The following PFKFB1 variants were observed in gnomAD, a reference collection of about 807,000 sequenced individuals.
PFKFB1 encodes 6-phosphofructo-2-kinase/fructose-2,6-biphosphatase 1.
In PFKFB1, 34 loss-of-function variants were observed where a neutral mutation model predicts 46.4. That is an observed-to-expected ratio of 0.73 (90% CI 0.56 to 0.98). PFKFB1 has a LOEUF of 0.98. Among genes scored for constraint, PFKFB1 ranks in the 50% least tolerant of loss-of-function variants. PFKFB1 has a pLI of 0.00. For synonymous variants in PFKFB1, 119 were observed against 133.8 expected (o/e 0.89, Z 0.76); for missense variants, 393 against 376.3 (o/e 1.04, Z -0.37).
chrX:54,943,567 C>T (rs767075857), intron 10 of PFKFB1, among the ~76,000 whole-genome samples: 152 of 110,636 alleles, frequency 1.4e-3, no homozygotes, highest in African/African-American at 4.6e-3. Flanking sequence ...CTGGCTAACA[C>T]GGTGATACCC....
At chrX:54,964,512 T>C (rs1354247245) in intron 1 of PFKFB1, among the ~76,000 whole-genome samples, 1 of 111,890 alleles carries the variant, frequency 8.9e-6, no homozygotes, top group African/African-American at 3.2e-5. Flanking sequence ...GACAAGGAAT[T>C]TGTTTATTTA....
intron 1 of PFKFB1, among the ~76,000 whole-genome samples, chrX:54,971,177 TG>T (rs1934641265): frequency 2.0e-5 from 1 of 50,893 alleles, no homozygotes; most frequent in African/African-American, 8.0e-5. Context: ...CACTTTTTGA[TG>T]GGGTTGTTTG....
At chrX:54,964,523 T>C (rs1934417975) in intron 1 of PFKFB1, among the ~76,000 whole-genome samples, 1 of 112,057 alleles carries the variant, frequency 8.9e-6, no homozygotes, top group South Asian at 3.7e-4. Context: ...TGTTTATTTA[T>C]TTGGATTATT....
chrX:54,977,509 G>C (rs1327200025), intron 1 of PFKFB1, among the ~76,000 whole-genome samples: 1 of 111,524 alleles, frequency 9.0e-6, no homozygotes, highest in Non-Finnish European at 1.9e-5. Context: ...GTAAACAAGG[G>C]AGAAGGTCTA....
At chrX:54,953,280 G>C (rs991805426) in intron 7 of PFKFB1, among the ~76,000 whole-genome samples, 3 of 111,752 alleles carry the variant, frequency 2.7e-5, no homozygotes, top group African/African-American at 9.8e-5. Context: ...CTCCAGGCAG[G>C]TAAGGTTGCT....
intron 9 of PFKFB1, among the ~76,000 whole-genome samples, chrX:54,948,378 C>T (rs1372887631): frequency 8.9e-6 from 1 of 112,569 alleles, no homozygotes; most frequent in Non-Finnish European, 1.9e-5. Context: ...CAAGTTTCCA[C>T]ACATGCCCAG....
chrX:54,981,277 G>C (rs1934982286), intron 1 of PFKFB1, among the ~76,000 whole-genome samples: 1 of 110,622 alleles, frequency 9.0e-6, no homozygotes, highest in South Asian at 3.7e-4. Context: ...GCAACATTTA[G>C]AAAAATCATA....
At chrX:54,988,937 G>A (rs1013781488) in intron 1 of PFKFB1, among the ~76,000 whole-genome samples, 29 of 112,036 alleles carry the variant, frequency 2.6e-4, no homozygotes, top group African/African-American at 9.4e-4. Context: ...GCTACAACAT[G>A]GATTAACCTT....
At chrX:54,973,684 A>T (rs1024789930) in intron 1 of PFKFB1, among the ~76,000 whole-genome samples, 1 of 110,871 alleles carries the variant, frequency 9.0e-6, no homozygotes, top group Non-Finnish European at 1.9e-5. Context: ...TTCTAGTTTG[A>T]TTGCACTGTG....
intron 1 of PFKFB1, 98 bp from the exon 2 acceptor site, chrX:54,963,480 C>T (rs1325644548): frequency 2.3e-6 from 2 of 885,729 alleles, no homozygotes; most frequent in Non-Finnish European, 3.1e-6. Context: ...ATGTCTCCCA[C>T]CATTACAGTA....
At chrX:54,958,479 T>C in intron 5 of PFKFB1, 117 bp from the exon 6 acceptor site, 1 of 484,418 alleles carries the variant, frequency 2.1e-6, no homozygotes, top group South Asian at 3.5e-5. Flanking sequence ...TCTGACAACA[T>C]AATGCTCTCA....
At chrX:54,966,409 T>A (rs955787606) in intron 1 of PFKFB1, among the ~76,000 whole-genome samples, 1 of 112,349 alleles carries the variant, frequency 8.9e-6, no homozygotes, top group Non-Finnish European at 1.9e-5. Flanking sequence ...GAATTCAACA[T>A]GGTGTGCAAT....
At chrX:54,952,549 C>CTTT (rs370373133) in intron 7 of PFKFB1, among the ~76,000 whole-genome samples, 2 of 100,728 alleles carry the variant, frequency 2.0e-5, no homozygotes, top group Admixed American at 1.1e-4. Context: ...CTTCACTCCT[C>CTTT]TTTTTTTTTT....
At chrX:54,956,998 G>C (rs188495451) in intron 6 of PFKFB1, among the ~76,000 whole-genome samples, 54 of 111,968 alleles carry the variant, frequency 4.8e-4, no homozygotes, top group African/African-American at 1.7e-3. Context: ...TCTGGCCAAA[G>C]TATTCTCCTG....
chrX:54,983,073 C>T (rs1024635922), intron 1 of PFKFB1, among the ~76,000 whole-genome samples: 4 of 111,355 alleles, frequency 3.6e-5, no homozygotes, highest in East Asian at 2.8e-4. Flanking sequence ...AGAAGAAAGA[C>T]GAAATAAATA....
chrX:54,970,034 T>C (rs899745073), intron 1 of PFKFB1, among the ~76,000 whole-genome samples: 1 of 111,415 alleles, frequency 9.0e-6, no homozygotes, highest in African/African-American at 3.3e-5. Context: ...TCAGCCTTCA[T>C]AGTAGCTGGG....
intron 1 of PFKFB1, among the ~76,000 whole-genome samples, chrX:54,980,718 C>T (rs1282354087): frequency 4.0e-5 from 4 of 99,985 alleles, no homozygotes; most frequent in Non-Finnish European, 8.1e-5. Flanking sequence ...CCAACACACA[C>T]ACACACACAC....
chrX:54,973,070 G>A (rs12833908), intron 1 of PFKFB1, among the ~76,000 whole-genome samples: 1 of 111,152 alleles, frequency 9.0e-6, no homozygotes, highest in Non-Finnish European at 1.9e-5. Flanking sequence ...GTCTTGGGAG[G>A]GTGTTTATGT....
At chrX:54,934,879 T>C in intron 12 of PFKFB1, 68 bp downstream of exon 12, 5 of 902,597 alleles carry the variant, frequency 5.5e-6, no homozygotes, top group Non-Finnish European at 8.0e-6. Flanking sequence ...TCTGGGCAAA[T>C]GGTAGGCACT....
Sources: gnomAD v4.1 joint callset for allele counts (sites outside exome capture counted in the v4.1 genomes callset) on GRCh38, gnomAD v4.1.1 for gene constraint, MANE v1.5 for transcripts, NCBI Gene and HGNC (gene_info 2026-07-23, HGNC 2026-07-21) for gene names.